The following DIP2C variants were observed in gnomAD, a reference collection of about 807,000 sequenced individuals.
The protein encoded by DIP2C is disco-interacting protein 2 homolog C.
Under a neutral mutation model 192.4 loss-of-function variants are expected in DIP2C, and 33 were observed. That is an observed-to-expected ratio of 0.17 (90% confidence interval 0.13 to 0.23). The LOEUF (loss-of-function observed/expected upper bound fraction) is 0.23, where lower values mean the gene tolerates loss of function less well. Among genes scored for constraint, DIP2C ranks in the 10% least tolerant of loss-of-function variants. The pLI, the probability that DIP2C is intolerant of heterozygous loss-of-function variation, is 1.00. For missense variants in DIP2C, 1,537 were observed against 2,110.1 expected (o/e 0.73, Z 5.32); for synonymous variants, 979 against 864.1 (o/e 1.13, Z -2.33).
At chr10:500,281 G>A (rs1158439303) in intron 1 of DIP2C, among the ~76,000 whole-genome samples, 4 of 152,242 alleles carry the variant, frequency 2.6e-5, no homozygotes, top group African/African-American at 7.2e-5. Flanking sequence ...CTACTTCTGT[G>A]TTCTCTTCCT....
At chr10:458,192 G>C (rs1235324702) in intron 3 of DIP2C, among the ~76,000 whole-genome samples, 1 of 152,146 alleles carries the variant, frequency 6.6e-6, no homozygotes, top group African/African-American at 2.4e-5. Flanking sequence ...AGTCCTACTT[G>C]GCCGCACTGT....
intron 1 of DIP2C, among the ~76,000 whole-genome samples, chr10:679,868 C>G (rs923798908): frequency 6.6e-6 from 1 of 152,214 alleles, no homozygotes; most frequent in African/African-American, 2.4e-5. Context: ...TCACTGTCAC[C>G]TGGAATCGCC....
At chr10:650,900 G>T (rs1331103243) in intron 1 of DIP2C, 2 of 717,520 alleles carry the variant, frequency 2.8e-6, no homozygotes, top group Admixed American at 4.0e-5. Context: ...GGGCCTCACG[G>T]GGGAAGCTGA....
At position 593,350 on chromosome 10, in the gene DIP2C, TTA is replaced by T. The variant is rs1464618835; in HGVS notation, c.85+96142_85+96143del. On this transcript the variant is annotated intron_variant, in intron 1 of 36. Coordinates refer to ENST00000280886, the MANE Select transcript of DIP2C (RefSeq NM_014974.3). ...ACGTTTACCCCAGAGAGTCCCAATT[TTA>T]TATGTTTTCCCAACATCACCTTAGT... is the stretch of plus-strand genomic sequence containing the variant. Among the ~76,000 whole-genome samples, 13 of 152,188 alleles carry T rather than the reference TTA, an allele frequency of 8.5e-5. No individual in the cohort carries two copies. The South Asian group carries it at 1.2e-3, about 15-fold the overall frequency.
At chr10:678,321 C>G (rs1000881399) in intron 1 of DIP2C, among the ~76,000 whole-genome samples, 3 of 152,046 alleles carry the variant, frequency 2.0e-5, no homozygotes, top group African/African-American at 7.3e-5. Flanking sequence ...AAAAGAGTAT[C>G]GACTAAAAGG....
intron 17 of DIP2C, among the ~76,000 whole-genome samples, chr10:373,838 T>G (rs1393152649): frequency 1.3e-5 from 2 of 152,232 alleles, no homozygotes; most frequent in African/African-American, 4.8e-5. Context: ...GATCATGCGC[T>G]TGCCCTTTCA....
chr10:448,096 GGGGCAGCAGGACCCACTCATCCCCA>G (rs1968448818), intron 3 of DIP2C, among the ~76,000 whole-genome samples: 1 of 128,036 alleles, frequency 7.8e-6, no homozygotes, highest in Admixed American at 7.3e-5. Flanking sequence ...CACACACAGT[GGGGCAGCAGGACCCACTCATCCCCA>G]TCTATACTCA....
At chr10:519,658 G>A (rs1019379379) in intron 1 of DIP2C, among the ~76,000 whole-genome samples, 6 of 152,256 alleles carry the variant, frequency 3.9e-5, no homozygotes, top group Non-Finnish European at 4.4e-5. Context: ...GCCACAGCCA[G>A]GCTGAGTCAG....
At chr10:647,389 C>T (rs1239069760) in intron 1 of DIP2C, among the ~76,000 whole-genome samples, 2 of 151,788 alleles carry the variant, frequency 1.3e-5, no homozygotes, top group Non-Finnish European at 2.9e-5. Flanking sequence ...ACTGAGTCCA[C>T]GTCCACATTG....
chr10:520,086 T>C (rs1338654702), intron 1 of DIP2C, among the ~76,000 whole-genome samples: 2 of 152,216 alleles, frequency 1.3e-5, no homozygotes, highest in Non-Finnish European at 2.9e-5. Flanking sequence ...AACATCTGAA[T>C]TAATGGGTAA....
Position 277,320 on chromosome 10 carries a change from CGA to C in DIP2C, c.*3_*4del, listed in dbSNP as rs757698003. ...AGAAAAGTCCATGGAAGCCAAGAGACGAGACTACATGTTGTAGGCCACATAGA... is the reference window on the plus strand; with the variant it reads ...AGAAAAGTCCATGGAAGCCAAGAGACGACTACATGTTGTAGGCCACATAGA... On this transcript the variant is annotated 3_prime_UTR_variant, in exon 37 of 37. Coordinates refer to ENST00000280886, the MANE Select transcript of DIP2C (RefSeq NM_014974.3). 9 of 1,613,354 alleles carry C rather than the reference CGA, an allele frequency of 5.6e-6. No individual in the cohort carries two copies. Among genetic ancestry groups the C allele is most frequent in the Non-Finnish European group, 7.6e-6 (9 of 1,179,686 alleles).
intron 3 of DIP2C, among the ~76,000 whole-genome samples, chr10:451,071 G>A (rs1313396734): frequency 1.3e-5 from 2 of 152,174 alleles, no homozygotes; most frequent in Non-Finnish European, 2.9e-5. Context: ...GCAGCACCGG[G>A]CTGTGCTCCC....
chr10:455,188 C>T (rs1969188575), intron 3 of DIP2C, among the ~76,000 whole-genome samples: 1 of 152,220 alleles, frequency 6.6e-6, no homozygotes, highest in Non-Finnish European at 1.5e-5. Flanking sequence ...CCTCTGTGAC[C>T]TTGGGCAAGT....
At chr10:382,560 A>G (rs1317239982) in intron 17 of DIP2C, 87 bp downstream of exon 17, 1 of 1,036,040 alleles carries the variant, frequency 9.7e-7, no homozygotes, top group Non-Finnish European at 1.5e-6. Context: ...CACCCTCAGC[A>G]TCAACTGTTA....
chr10:412,653 T>C lies in DIP2C; in HGVS notation c.1057+1260A>G, dbSNP rs80112874. ...CACATCTGTCCTGAGATGCACAGGT[T>C]GACAGCTGCTGCCTCCCAGAGCCCC... On this transcript the variant is annotated intron_variant, in intron 8 of 36. Transcript: ENST00000280886. Among the ~76,000 whole-genome samples, 912 of 152,322 alleles carry C rather than the reference T, an allele frequency of 6.0e-3. 3 individuals carry two copies. The highest frequency in any genetic ancestry group is 0.014 in the Middle Eastern group (4 of 294).
intron 32 of DIP2C, among the ~76,000 whole-genome samples, chr10:295,810 C>T (rs970010640): frequency 6.6e-6 from 1 of 152,000 alleles, no homozygotes; most frequent in Non-Finnish European, 1.5e-5. Context: ...AGTTCGAGAC[C>T]AGCCTGGCCT....
In DIP2C at chr10:419,885, C is replaced by A. The variant is rs576196345; in HGVS notation, c.605-686G>T. On this transcript the variant is annotated intron_variant, in intron 5 of 36. Transcript: ENST00000280886. ...TGGAGCTCTTTCTCTTACAGCACCC[C>A]CTGGAGATAAAGTTAAGCCGTACGT... Among the ~76,000 whole-genome samples, 4 of 152,294 alleles carry A rather than the reference C, an allele frequency of 2.6e-5. 1 individual carries two copies. In the South Asian group the frequency reaches 8.3e-4, roughly 32 times the overall value.
intron 31 of DIP2C, among the ~76,000 whole-genome samples, chr10:317,407 A>C (rs915469905): frequency 6.6e-6 from 1 of 152,216 alleles, no homozygotes; most frequent in Non-Finnish European, 1.5e-5. Flanking sequence ...AAGCACCATG[A>C]GGCTGGCAGC....
chr10:424,354 GGT>G (rs1491106853), intron 4 of DIP2C, among the ~76,000 whole-genome samples: 136 of 121,042 alleles, frequency 1.1e-3, no homozygotes, highest in African/African-American at 4.1e-3. Flanking sequence ...TATCACCTTG[GGT>G]TTTTTTTTTT....
Sources: gnomAD v4.1 joint callset for allele counts (sites outside exome capture counted in the v4.1 genomes callset) on GRCh38, gnomAD v4.1.1 for gene constraint, MANE v1.5 for transcripts, NCBI Gene and HGNC (gene_info 2026-07-23, HGNC 2026-07-21) for gene names.